IFT22: variants seen among roughly 807,000 people sequenced by gnomAD.
IFT22 encodes the protein intraflagellar transport 22, also known as intraflagellar transport protein 22 homolog.
In IFT22, 13 loss-of-function variants were observed where a neutral mutation model predicts 21.0. That is an observed-to-expected ratio of 0.62 (90% CI 0.40 to 0.98). IFT22 has a LOEUF of 0.98. IFT22 is among the 50% of genes least tolerant of loss of function. The pLI, the probability that IFT22 is intolerant of heterozygous loss-of-function variation, is 0.00. For missense variants in IFT22, 227 were observed against 228.9 expected, an observed-to-expected ratio of 0.99 and a Z score of 0.06; for synonymous variants, 67 against 82.4, an observed-to-expected ratio of 0.81 and a Z score of 1.01.
In IFT22 at chr7:101,318,942, T is replaced by C. The variant is rs756704995; in HGVS notation, c.116+14A>G. On this transcript the variant is annotated intron_variant, in intron 2 of 4. Transcript: ENST00000315322. The stretch of plus-strand genomic sequence containing the variant: ...CAGTTGGACACTCTGGGACACAGAT[T>C]TGTCAGGGCTCACCTCACTCCTTGG... The C allele has an allele frequency of 6.2e-7, 1 of 1,601,780 alleles. No individual in the cohort carries two copies. Among genetic ancestry groups the C allele is most frequent in the Admixed American group, 1.7e-5 (1 of 59,982 alleles).
chr7:101,320,581 A>T (rs1367270212), intron 1 of IFT22, among the ~76,000 whole-genome samples: 32 of 126,506 alleles, frequency 2.5e-4, no homozygotes, highest in African/African-American at 9.3e-4. Flanking sequence ...TTTTTTTTTT[A>T]AACGCATTTA....
chr7:101,316,169 T>C lies in IFT22; in HGVS notation c.409+171A>G, dbSNP rs1180466008. ...GCCTGCCATCATGCCTGGCTAATTT[T>C]TGTATTTTTAGTAGAGACGTAGTGG... On this transcript the variant is annotated intron_variant, in intron 4 of 4. Transcript: ENST00000315322. 8.0e-6 allele frequency: 5 copies of C among 622,422 alleles called. No homozygotes were observed. In the African/African-American group the frequency reaches 9.2e-5, roughly 11 times the overall value. 38.6% of individuals were successfully genotyped at this position (622,422 alleles called of 1,614,324 possible).
In IFT22 at chr7:101,314,304, G is replaced by A. The variant is rs1790071569; in HGVS notation, c.*830C>T. 1 of 152,022 alleles carries A rather than the reference G, an allele frequency of 6.6e-6. No homozygotes were observed. Among genetic ancestry groups the A allele is most frequent in the Non-Finnish European group, 1.5e-5 (1 of 68,054 alleles). 9.4% of individuals were successfully genotyped at this position (152,022 alleles called of 1,614,324 possible). ...CCCAAGTAGCTGGGATTACAGGCAC[G>A]CGGCACCACACCCAGCTGATTTTTC... On this transcript the variant is annotated 3_prime_UTR_variant, in exon 5 of 5. Transcript: ENST00000315322.
At chr7:101,319,085 C>CA (rs749408183) in intron 1 of IFT22, 53 bp from the exon 2 acceptor site, 4 of 1,585,170 alleles carry the variant, frequency 2.5e-6, no homozygotes, top group African/African-American at 1.3e-5. Context: ...AAAAGGAAAC[C>CA]AAAAAAATGA....
At chr7:101,321,210 G>C (rs745815165) in intron 1 of IFT22, among the ~76,000 whole-genome samples, 1 of 151,338 alleles carries the variant, frequency 6.6e-6, no homozygotes, top group Non-Finnish European at 1.5e-5. Flanking sequence ...GTAGTCCCAG[G>C]TACTCAGGAG....
rs386410832 is a variant in IFT22, at chr7:101,312,533, G to GTTTTTTTTTTTTTTTTTTTTTTTTTTTTT, written c.*2600_*2601insAAAAAAAAAAAAAAAAAAAAAAAAAAAAA. Reference sequence around the variant, plus strand: ...TAAATATAATGTTTTGGAGAGAGTTGTTTTTTTTTTTTTTTTTTTTGTGAC... The same window carrying GTTTTTTTTTTTTTTTTTTTTTTTTTTTTT: ...TAAATATAATGTTTTGGAGAGAGTTGTTTTTTTTTTTTTTTTTTTTTTTTTTTTTTTTTTTTTTTTTTTTTTTTTGTGAC... On this transcript the variant is annotated 3_prime_UTR_variant, in exon 5 of 5. Coordinates refer to ENST00000315322, the MANE Select transcript of IFT22 (RefSeq NM_022777.4). Among the ~76,000 whole-genome samples the GTTTTTTTTTTTTTTTTTTTTTTTTTTTTT allele has an allele frequency of 8.7e-6, 1 of 114,606 alleles. No individual in the cohort carries two copies. 75.2% of individuals were successfully genotyped at this position (114,606 alleles called of 152,430 possible).
chr7:101,321,172 A>G (rs1466709506), intron 1 of IFT22, among the ~76,000 whole-genome samples: 1 of 151,500 alleles, frequency 6.6e-6, no homozygotes, highest in Non-Finnish European at 1.5e-5. Context: ...AAAACAACAA[A>G]TTTAGTCGGG....
At chr7:101,318,087 C>T in intron 3 of IFT22, 37 bp downstream of exon 3, 1 of 1,568,434 alleles carries the variant, frequency 6.4e-7, no homozygotes, top group Admixed American at 1.7e-5. Flanking sequence ...GATTTTTAAA[C>T]CATTTGATGA....
In IFT22 at chr7:101,313,354, AT is replaced by A. The variant is rs759767763; in HGVS notation, c.*1779del. The stretch of plus-strand genomic sequence containing the variant: ...CCACTGCAACTGGCCAGGCACTTCA[AT>A]TTTTTTTTTTTTGCTCTGTCACCAG... On this transcript the variant is annotated 3_prime_UTR_variant, in exon 5 of 5. Transcript: ENST00000315322. The A allele has an allele frequency of 9.5e-4, 137 of 143,922 alleles. No individual in the cohort carries two copies. The highest frequency in any genetic ancestry group is 3.8e-3 in the Middle Eastern group (1 of 266). 8.9% of individuals were successfully genotyped at this position (143,922 alleles called of 1,614,324 possible). A position where few individuals can be genotyped will look rare whatever the true frequency, so the allele number is the denominator to read the frequency against.
Position 101,318,127 on chromosome 7 carries a change from G to A in IFT22, c.203C>T (p.Ala68Val). 6.2e-7 allele frequency: 1 copy of A among 1,612,082 alleles called. No individual in the cohort carries two copies. The highest frequency in any genetic ancestry group is 8.5e-7 in the Non-Finnish European group (1 of 1,178,402). The change falls in exon 3 of 5, where the codon GCT becomes GTT. Residue 68 changes from alanine to valine, a missense_variant. Ala to Val is a moderately conservative substitution (Grantham distance 64, BLOSUM62 0). Coordinates refer to ENST00000315322, the MANE Select transcript of IFT22 (RefSeq NM_022777.4). Reference protein sequence around the residue: ...EFELWDCGGDAKFESCWPALM... With the variant: ...EFELWDCGGDVKFESCWPALM... ...ACTTTCTTTAAAGGAAACATACTTA[G>A]CATCGCCACCACAGTCCCATAGCTC...
Position 101,315,258 on chromosome 7 carries a change from A to G in IFT22, c.434T>C (p.Leu145Pro), listed in dbSNP as rs750355754. 6.2e-7 allele frequency: 1 copy of G among 1,614,172 alleles called. No individual in the cohort carries two copies. The highest frequency in any genetic ancestry group is 1.1e-5 in the South Asian group (1 of 91,082). Reference protein sequence around the residue: ...SLSPPLNKLKLVHSNLEDDPE... With the variant: ...SLSPPLNKLKPVHSNLEDDPE... Reference sequence around the variant, plus strand: ...GTCATCTTCCAGGTTTGAGTGCACCAGCTTCAGCTTGTTCAAGGGTGGCGC... The same window carrying G: ...GTCATCTTCCAGGTTTGAGTGCACCGGCTTCAGCTTGTTCAAGGGTGGCGC... Residue 145 changes from leucine to proline, a missense_variant, in exon 5 of 5, where the codon CTG (leucine) becomes CCG (proline). Physicochemically the swap from Leu to Pro is moderately conservative, Grantham distance 98. Transcript: ENST00000315322.
At chr7:101,320,450 G>A (rs1418085074) in intron 1 of IFT22, among the ~76,000 whole-genome samples, 2 of 151,078 alleles carry the variant, frequency 1.3e-5, no homozygotes, top group African/African-American at 2.4e-5. Context: ...TAGTAGAGAC[G>A]GGGTTTCACC....
chr7:101,316,515 C>T lies in IFT22; in HGVS notation c.234G>A (p.Met78Ile). Reference protein sequence around the residue: ...AKFESCWPALMKDAHGVVIVF... With the variant: ...AKFESCWPALIKDAHGVVIVF... ...CGATCACCACTCCATGAGCATCCTT[C>T]ATCAGGGCCGGCCAGCAGGACTCAA... The change falls in exon 4 of 5, where the codon ATG (methionine) becomes ATA (isoleucine). Residue 78 changes from methionine to isoleucine, a missense_variant. Physicochemically the swap from Met to Ile is conservative, Grantham distance 10. Coordinates refer to ENST00000315322, the MANE Select transcript of IFT22 (RefSeq NM_022777.4). 1 of 1,614,126 alleles carries T rather than the reference C, an allele frequency of 6.2e-7. No individual in the cohort carries two copies. Among genetic ancestry groups the T allele is most frequent in the Non-Finnish European group, 8.5e-7 (1 of 1,180,032 alleles).
rs1167661359 is a variant in IFT22, at chr7:101,312,692, G to A, written c.*2442C>T. On this transcript the variant is annotated 3_prime_UTR_variant, in exon 5 of 5. Transcript: ENST00000315322. ...CTGGGATTACAGGTACCCGCCACCA[G>A]GCCCAGCTAATTTTTTGTGTTTTTA... 6.7e-6 allele frequency among the ~76,000 whole-genome samples: 1 copy of A among 148,824 alleles called. No homozygotes were observed. Among genetic ancestry groups the A allele is most frequent in the Non-Finnish European group, 1.5e-5 (1 of 67,246 alleles).
At chr7:101,321,428 T>C (rs921641034) in intron 1 of IFT22, 29 of 545,670 alleles carry the variant, frequency 5.3e-5, no homozygotes, top group Non-Finnish European at 8.1e-5. Flanking sequence ...ACTCAGTACC[T>C]TGGGCCTTCG....
chr7:101,318,927 C>T lies in IFT22; in HGVS notation c.116+29G>A, dbSNP rs772878629. 1.6e-5 allele frequency: 25 copies of T among 1,574,972 alleles called. No individual in the cohort carries two copies. In the African/African-American group the frequency reaches 3.1e-4, roughly 20 times the overall value. On this transcript the variant is annotated intron_variant, in intron 2 of 4. Transcript: ENST00000315322. Reference sequence around the variant, plus strand: ...GCCTCCCTGCCGAGCCAGTTGGACACTCTGGGACACAGATTTGTCAGGGCT... The same window carrying T: ...GCCTCCCTGCCGAGCCAGTTGGACATTCTGGGACACAGATTTGTCAGGGCT...
intron 1 of IFT22, among the ~76,000 whole-genome samples, chr7:101,320,640 T>A (rs1277883783): frequency 2.7e-5 from 4 of 150,404 alleles, no homozygotes; most frequent in Non-Finnish European, 5.9e-5. Flanking sequence ...GAAGTATACA[T>A]GTAGATGTGA....
At chr7:101,316,249 G>T in intron 4 of IFT22, 91 bp downstream of exon 4, 2 of 1,223,228 alleles carry the variant, frequency 1.6e-6, no homozygotes, top group Non-Finnish European at 2.4e-6. Context: ...TCAGTAACTG[G>T]ACAGAGCTGC....
At chr7:101,318,668 ACT>A (rs1033443789) in intron 2 of IFT22, 1 of 357,566 alleles carries the variant, frequency 2.8e-6, no homozygotes, top group African/African-American at 2.1e-5. Flanking sequence ...ACAGGGTCTC[ACT>A]CTGTCACCCA....
Sources: gnomAD v4.1 joint callset for allele counts (sites outside exome capture counted in the v4.1 genomes callset) on GRCh38, gnomAD v4.1.1 for gene constraint, MANE v1.5 for transcripts, NCBI Gene and HGNC (gene_info 2026-07-23, HGNC 2026-07-21) for gene names.